The following PCDH15 variants were observed in gnomAD, a reference collection of about 807,000 sequenced individuals.
PCDH15 encodes the protein protocadherin-15.
A neutral mutation model predicts 178.5 loss-of-function variants in PCDH15; 129 were observed. The observed-to-expected ratio is 0.72, with a 90% CI of 0.63 to 0.84. The LOEUF is 0.84. PCDH15 is among the 40% of genes least tolerant of loss of function. The probability of loss-of-function intolerance (pLI) is 0.00; values close to 1 mark genes in which losing one functional copy is unlikely to be tolerated. For missense variants in PCDH15, 2,230 were observed against 2,099.9 expected (o/e 1.06, Z -1.21); for synonymous variants, 800 against 732.0 (o/e 1.09, Z -1.50).
intron 2 of PCDH15, among the ~76,000 whole-genome samples, chr10:55,375,597 A>C (rs1242457995): frequency 6.6e-6 from 1 of 152,136 alleles, no homozygotes; most frequent in Non-Finnish European, 1.5e-5. Context: ...ATGACAATCC[A>C]AATAAAAGTT....
intron 2 of PCDH15, among the ~76,000 whole-genome samples, chr10:54,543,570 T>A (rs17730760): frequency 0.15 from 22,550 of 152,240 alleles, 1,743 homozygotes; most frequent in Non-Finnish European, 0.18. Flanking sequence ...GATGGATGTC[T>A]ACCTATGTCA....
At chr10:55,465,837 C>T (rs974614970) in intron 2 of PCDH15, among the ~76,000 whole-genome samples, 1 of 152,154 alleles carries the variant, frequency 6.6e-6, no homozygotes, top group African/African-American at 2.4e-5. Context: ...AAAATTAATA[C>T]GATGTAAAAT....
intron 1 of PCDH15, among the ~76,000 whole-genome samples, chr10:54,796,222 T>TTATCTATCTATCTATCTATC (rs59479208): frequency 8.0e-6 from 1 of 125,248 alleles, no homozygotes; most frequent in Non-Finnish European, 1.7e-5. Flanking sequence ...TCTTTCTACA[T>TTATCTATCTATCTATCTATC]TATCTATCTA....
chr10:54,044,236 T>C (rs2093611528), intron 18 of PCDH15, among the ~76,000 whole-genome samples: 1 of 152,092 alleles, frequency 6.6e-6, no homozygotes, highest in Non-Finnish European at 1.5e-5. Context: ...TACTGCTGGA[T>C]TATTCCCCAA....
intron 10 of PCDH15, among the ~76,000 whole-genome samples, chr10:54,208,960 CTCTTG>C (rs1195529261): frequency 1.3e-5 from 2 of 152,124 alleles, no homozygotes; most frequent in South Asian, 2.1e-4. Flanking sequence ...TCGTTTCCAT[CTCTTG>C]TCTTTTTTTT....
chr10:55,461,602 T>C (rs1035813061), intron 2 of PCDH15, among the ~76,000 whole-genome samples: 10 of 152,096 alleles, frequency 6.6e-5, no homozygotes, highest in African/African-American at 2.4e-4. Flanking sequence ...ATAGTTAACA[T>C]TGATGCACAG....
At chr10:55,247,428 T>G (rs911022059) in intron 1 of PCDH15, among the ~76,000 whole-genome samples, 11 of 152,158 alleles carry the variant, frequency 7.2e-5, no homozygotes, top group Non-Finnish European at 1.0e-4. Context: ...CTCAGAAGTC[T>G]CTGTCCATTT....
chr10:54,375,828 G>A (rs2134925359), intron 4 of PCDH15, among the ~76,000 whole-genome samples: 1 of 136,852 alleles, frequency 7.3e-6, no homozygotes, highest in East Asian at 2.0e-4. Context: ...ATATATTTTT[G>A]AAATGGAATA....
intron 23 of PCDH15, among the ~76,000 whole-genome samples, chr10:53,954,481 T>G (rs1244051748): frequency 6.6e-6 from 1 of 152,194 alleles, no homozygotes; most frequent in Non-Finnish European, 1.5e-5. Context: ...AAATAGTAAA[T>G]GCGAACTCTG....
chr10:55,342,923 C>A (rs1844643896), intron 2 of PCDH15, among the ~76,000 whole-genome samples: 4 of 152,048 alleles, frequency 2.6e-5, no homozygotes. Context: ...TTCTAGGAAG[C>A]CTGAGTCCTT....
At chr10:54,870,944 AT>A (rs1954028701) in intron 3 of PCDH15, among the ~76,000 whole-genome samples, 1 of 152,182 alleles carries the variant, frequency 6.6e-6, no homozygotes, top group Admixed American at 6.5e-5. Flanking sequence ...CTAAAGTATA[AT>A]TTTGAAAATA....
At chr10:55,204,088 C>T (rs1840328260) in intron 1 of PCDH15, among the ~76,000 whole-genome samples, 1 of 148,918 alleles carries the variant, frequency 6.7e-6, no homozygotes, top group East Asian at 1.9e-4. Context: ...ATATATAGTG[C>T]ATTTATTATA....
chr10:53,810,122 T>G (rs2132381247), intron 37 of PCDH15, among the ~76,000 whole-genome samples: 1 of 152,284 alleles, frequency 6.6e-6, no homozygotes, highest in African/African-American at 2.4e-5. Context: ...AATTACATTA[T>G]TCCTTGAAAA....
At chr10:54,078,922 A>G (rs965257648) in intron 17 of PCDH15, among the ~76,000 whole-genome samples, 1 of 152,196 alleles carries the variant, frequency 6.6e-6, no homozygotes, top group Non-Finnish European at 1.5e-5. Context: ...GTGCTTAAAG[A>G]TATTTATCCA....
intron 26 of PCDH15, among the ~76,000 whole-genome samples, chr10:53,885,135 G>T (rs1388330842): frequency 1.3e-5 from 2 of 151,932 alleles, no homozygotes; most frequent in Admixed American, 6.6e-5. Context: ...TATACAATGG[G>T]GTACTTATGG....
At chr10:53,902,667 T>C (rs963916010) in intron 26 of PCDH15, among the ~76,000 whole-genome samples, 2 of 152,116 alleles carry the variant, frequency 1.3e-5, no homozygotes, top group Non-Finnish European at 2.9e-5. Context: ...AAACATTTGA[T>C]GATAAATAAA....
At chr10:54,006,780 A>G (rs2092400495) in intron 20 of PCDH15, among the ~76,000 whole-genome samples, 1 of 152,064 alleles carries the variant, frequency 6.6e-6, no homozygotes, top group African/African-American at 2.4e-5. Flanking sequence ...TCTTAGCTTC[A>G]TTTTCCAAGA....
intron 3 of PCDH15, among the ~76,000 whole-genome samples, chr10:54,826,369 C>G (rs1953132416): frequency 6.6e-6 from 1 of 151,350 alleles, no homozygotes; most frequent in Non-Finnish European, 1.5e-5. Context: ...AAATTATGTT[C>G]AAAATGGATT....
intron 3 of PCDH15, among the ~76,000 whole-genome samples, chr10:54,881,849 A>G (rs1591760897): frequency 1.3e-5 from 2 of 152,142 alleles, no homozygotes; most frequent in African/African-American, 2.4e-5. Flanking sequence ...ATTTTTGTTT[A>G]TAAGTGTTTT....
Sources: gnomAD v4.1 joint callset for allele counts (sites outside exome capture counted in the v4.1 genomes callset) on GRCh38, gnomAD v4.1.1 for gene constraint, MANE v1.5 for transcripts, NCBI Gene and HGNC (gene_info 2026-07-23, HGNC 2026-07-21) for gene names.